Variants in XPNPEP1 observed in about 807,000 individuals in gnomAD.
XPNPEP1 encodes the protein xaa-Pro aminopeptidase 1.
XPNPEP1 carries 39 observed loss-of-function variants against 92.4 expected under a neutral mutation model. That is an observed-to-expected ratio of 0.42 (90% confidence interval 0.33 to 0.55). The LOEUF is 0.55. Among genes scored for constraint, XPNPEP1 ranks in the 20% least tolerant of loss-of-function variants. The pLI is 0.08. For missense variants in XPNPEP1, 654 were observed against 856.1 expected (o/e 0.76, Z 2.95); for synonymous variants, 307 against 299.4 (o/e 1.03, Z -0.26).
At chr10:109,907,449 C>T (rs1055953354) in intron 3 of XPNPEP1, among the ~76,000 whole-genome samples, 25 of 152,342 alleles carry the variant, frequency 1.6e-4, no homozygotes, top group African/African-American at 5.3e-4. Context: ...AGTTCCAGAA[C>T]TTCTGTCCCT....
intron 18 of XPNPEP1, among the ~76,000 whole-genome samples, chr10:109,870,237 C>G (rs1274806756): frequency 6.6e-6 from 1 of 152,168 alleles, no homozygotes; most frequent in Non-Finnish European, 1.5e-5. Flanking sequence ...AAGCTAGACT[C>G]TGAAGTCCCT....
chr10:109,900,444 G>A (rs181556062), intron 3 of XPNPEP1, among the ~76,000 whole-genome samples: 3 of 152,118 alleles, frequency 2.0e-5, no homozygotes, highest in Non-Finnish European at 2.9e-5. Context: ...TAACAGAGTC[G>A]CCCCAACTAT....
At chr10:109,902,933 C>T (rs1195853822) in intron 3 of XPNPEP1, among the ~76,000 whole-genome samples, 2 of 152,230 alleles carry the variant, frequency 1.3e-5, no homozygotes, top group Non-Finnish European at 2.9e-5. Context: ...CTCACTGCCA[C>T]TCCCAGAAGG....
intron 2 of XPNPEP1, among the ~76,000 whole-genome samples, chr10:109,908,678 T>G (rs924328135): frequency 6.6e-6 from 1 of 152,238 alleles, no homozygotes; most frequent in Non-Finnish European, 1.5e-5. Context: ...TGTGTATGTA[T>G]ATATGCAAAG....
At chr10:109,896,222 C>A (rs1322904946) in intron 3 of XPNPEP1, among the ~76,000 whole-genome samples, 1 of 152,096 alleles carries the variant, frequency 6.6e-6, no homozygotes. Flanking sequence ...ATAATAGCCA[C>A]CTGGCCACTT....
chr10:109,915,699 T>C (rs547167596), intron 1 of XPNPEP1, among the ~76,000 whole-genome samples: 6 of 152,338 alleles, frequency 3.9e-5, no homozygotes, highest in Non-Finnish European at 5.9e-5. Context: ...TATTGTTTGC[T>C]TCTAAGACTT....
intron 14 of XPNPEP1, 157 bp downstream of exon 14, chr10:109,877,633 A>G: frequency 1.1e-6 from 1 of 940,286 alleles, no homozygotes. Context: ...ATTGGGAGAA[A>G]ATAAAATCTT....
intron 7 of XPNPEP1, among the ~76,000 whole-genome samples, chr10:109,886,971 T>C (rs1015166909): frequency 6.6e-6 from 1 of 152,104 alleles, no homozygotes; most frequent in African/African-American, 2.4e-5. Context: ...TCTCTGTTGC[T>C]CTGCAAGATG....
At chr10:109,884,279 G>C (rs1173537870) in intron 8 of XPNPEP1, 131 bp from the exon 9 acceptor site, 2 of 840,782 alleles carry the variant, frequency 2.4e-6, no homozygotes, top group African/African-American at 1.7e-5. Context: ...GCACAGAAAG[G>C]CTGGAAGCCT....
At chr10:109,877,617 T>C (rs1395319603) in intron 14 of XPNPEP1, 173 bp downstream of exon 14, 8 of 805,268 alleles carry the variant, frequency 9.9e-6, no homozygotes, top group Admixed American at 5.3e-5. Context: ...AGGCAGAGGC[T>C]TGGGGATTGG....
chr10:109,877,466 C>CAAAA, intron 14 of XPNPEP1: 17 of 221,600 alleles, frequency 7.7e-5, no homozygotes, highest in South Asian at 1.4e-4. Context: ...ACCTTGTCTC[C>CAAAA]AAAAAAAAAA....
chr10:109,919,705 G>C (rs1456690632), intron 1 of XPNPEP1, among the ~76,000 whole-genome samples: 1 of 152,214 alleles, frequency 6.6e-6, no homozygotes, highest in African/African-American at 2.4e-5. Context: ...ATAAATAAAA[G>C]TGTCTATCCA....
intron 8 of XPNPEP1, among the ~76,000 whole-genome samples, chr10:109,885,059 G>A (rs1199006052): frequency 6.6e-6 from 1 of 152,142 alleles, no homozygotes; most frequent in East Asian, 1.9e-4. Flanking sequence ...GGCAGACAAA[G>A]GGCAAGATGA....
At chr10:109,886,883 C>A (rs1318457698) in intron 7 of XPNPEP1, among the ~76,000 whole-genome samples, 1 of 152,144 alleles carries the variant, frequency 6.6e-6, no homozygotes, top group Non-Finnish European at 1.5e-5. Context: ...GTGCTAAGAC[C>A]TAGGAATTCC....
chr10:109,905,384 ATTTTTAGTAGAG>A (rs1849504088), intron 3 of XPNPEP1, among the ~76,000 whole-genome samples: 1 of 152,044 alleles, frequency 6.6e-6, no homozygotes, highest in Admixed American at 6.6e-5. Context: ...TAATTTTTAT[ATTTTTAGTAGAG>A]ATGGGGTTTC....
At chr10:109,908,326 T>C (rs951621897) in intron 2 of XPNPEP1, among the ~76,000 whole-genome samples, 3 of 152,222 alleles carry the variant, frequency 2.0e-5, no homozygotes, top group Admixed American at 2.0e-4. Context: ...GATGACAGGC[T>C]GGGCGCAGTG....
rs560974277 is a variant in XPNPEP1 at position 109,879,198 on chromosome 10, C to T, written c.1182+990G>A. Among the ~76,000 whole-genome samples, 7 of 151,852 alleles carry T rather than the reference C, an allele frequency of 4.6e-5. No homozygotes were observed. The South Asian group carries it at 8.3e-4, about 18-fold the overall frequency. On this transcript the variant is annotated intron_variant, in intron 12 of 20. Transcript: ENST00000502935. Reference sequence around the variant, plus strand: ...CGGAGCTTGCAGTGAGCCGAGATCGCTCCACTGCACTCCAGCCTGGGCGAT... The same window carrying T: ...CGGAGCTTGCAGTGAGCCGAGATCGTTCCACTGCACTCCAGCCTGGGCGAT...
At chr10:109,881,214 C>T (rs1445263793) in intron 10 of XPNPEP1, among the ~76,000 whole-genome samples, 1 of 152,174 alleles carries the variant, frequency 6.6e-6, no homozygotes, top group Non-Finnish European at 1.5e-5. Context: ...CTGCCGTCAG[C>T]AAGACATTGC....
Position 109,907,825 on chromosome 10 carries a change from C to T in XPNPEP1, c.122-10G>A, listed in dbSNP as rs751440214. 1 of 1,613,832 alleles carries T rather than the reference C, an allele frequency of 6.2e-7. No homozygotes were observed. Among genetic ancestry groups the T allele is most frequent in the Admixed American group, 1.7e-5 (1 of 59,978 alleles). On this transcript the variant is annotated splice_polypyrimidine_tract_variant and intron_variant, in intron 2 of 20. Coordinates refer to ENST00000502935, the MANE Select transcript of XPNPEP1 (RefSeq NM_020383.4). ...GGAGGCATTCTGCCGTCTGCAACAA[C>T]AGGAGAGCAAATTTCAAAACCAGCC...
Sources: allele counts gnomAD v4.1 joint callset (sites outside exome capture counted in the v4.1 genomes callset), GRCh38; gene constraint gnomAD v4.1.1; transcripts MANE v1.5; gene names NCBI Gene and HGNC (gene_info 2026-07-23, HGNC 2026-07-21).